The following TEX9 variants were observed in gnomAD, a reference collection of about 807,000 sequenced individuals.
The protein encoded by TEX9 is testis-expressed protein 9.
Under a neutral mutation model 59.6 loss-of-function variants are expected in TEX9, and 74 were observed. That is an observed-to-expected ratio of 1.24 (90% CI 1.03 to 1.51). The LOEUF is 1.51. Among genes scored for constraint, TEX9 ranks in the 40% most tolerant of loss-of-function variants. The pLI is 0.00. For synonymous variants in TEX9, 186 were observed against 152.2 expected (o/e 1.22, Z -1.64); for missense variants, 522 against 447.8 (o/e 1.17, Z -1.49).
chr15:56,306,256 G>GAAAAAA, intron 1 of TEX9, among the ~76,000 whole-genome samples: 1 of 5,944 alleles, frequency 1.7e-4, no homozygotes, highest in East Asian at 2.7e-3. Context: ...TAGGTACATA[G>GAAAAAA]CAAAAAAAAA....
intron 2 of TEX9, among the ~76,000 whole-genome samples, chr15:56,366,953 CTA>C (rs1596123208): frequency 6.6e-6 from 1 of 152,130 alleles, no homozygotes; most frequent in Non-Finnish European, 1.5e-5. Flanking sequence ...AATCTGTTTT[CTA>C]TATATAGTTC....
rs145846161 is a variant in TEX9, at chr15:56,262,502, G to C, written c.-107+18224G>C. The stretch of plus-strand genomic sequence containing the variant: ...TTTCAATACTTTTGAAGCTTGTTCA[G>C]GCTTGTTTTATGCATAGCATATAGC... On this transcript the variant is annotated intron_variant, in intron 1 of 5. Coordinates refer to the TEX9 transcript ENST00000560827. 2.4e-3 allele frequency among the ~76,000 whole-genome samples: 371 copies of C among 152,244 alleles called. 3 individuals carry two copies. The highest frequency in any genetic ancestry group is 8.6e-3 in the African/African-American group (356 of 41,538).
rs201829626 is a variant in TEX9, at chr15:56,443,784, C to G, written c.*30-1887C>G. The stretch of plus-strand genomic sequence containing the variant: ...TCACGTTTCTTTTTTCTCCAGAGAG[C>G]CTGCTCTTTCTGAAACTCTTCTATA... On this transcript the variant is annotated intron_variant, in intron 12 of 12. Transcript: ENST00000352903. 4.6e-5 allele frequency: 74 copies of G among 1,612,860 alleles called. No homozygotes were observed. In the East Asian group the frequency reaches 1.5e-3, roughly 33 times the overall value.
At chr15:56,451,878 A>AT in the TEX9 span, among the ~76,000 whole-genome samples, 193 of 151,928 alleles carry the variant, frequency 1.3e-3, no homozygotes, top group African/African-American at 4.2e-3. Flanking sequence ...GATTGCCTAG[A>AT]TTTTTTTTTA....
intron 1 of TEX9, among the ~76,000 whole-genome samples, chr15:56,281,148 T>C (rs956923149): frequency 1.3e-5 from 2 of 152,242 alleles, no homozygotes; most frequent in Non-Finnish European, 2.9e-5. Context: ...AATATAAGGG[T>C]TCCTATATGT....
chr15:56,261,500 T>G (rs2141347700), intron 1 of TEX9, among the ~76,000 whole-genome samples: 1 of 152,130 alleles, frequency 6.6e-6, no homozygotes, highest in East Asian at 1.9e-4. Context: ...GGTGGATCAC[T>G]TGAGGTCAGG....
At position 56,383,943 on chromosome 15, in the gene TEX9, T is replaced by C. The variant is rs1171773341; in HGVS notation, c.184-9T>C. 1 of 1,599,094 alleles carries C rather than the reference T, an allele frequency of 6.3e-7. No individual in the cohort carries two copies. The highest frequency in any genetic ancestry group is 1.3e-5 in the African/African-American group (1 of 74,142). On this transcript the variant is annotated splice_polypyrimidine_tract_variant and intron_variant, in intron 3 of 12. Transcript: ENST00000352903. ...TATATGATATATTACCTATCTTTACTCATTTAAGAGAGATCGGCAAGAAGT... is the reference window on the plus strand; with the variant it reads ...TATATGATATATTACCTATCTTTACCCATTTAAGAGAGATCGGCAAGAAGT...
Position 56,421,355 on chromosome 15 carries a change from T to C in TEX9, c.964-6250T>C, listed in dbSNP as rs1341907784. On this transcript the variant is annotated intron_variant, in intron 10 of 12. Coordinates refer to ENST00000352903, the Ensembl canonical transcript of TEX9. ...CAGGTTGAGTATCCCTTATCAGAAA[T>C]GCTTGGGACCAGAAGTGTTTTAGAA... Among the ~76,000 whole-genome samples, 5 of 151,926 alleles carry C rather than the reference T, an allele frequency of 3.3e-5. No homozygotes were observed. In the East Asian group the frequency reaches 9.6e-4, roughly 29 times the overall value.
At chr15:56,372,459 A>G (rs1236688372) in intron 2 of TEX9, among the ~76,000 whole-genome samples, 1 of 152,190 alleles carries the variant, frequency 6.6e-6, no homozygotes, top group Non-Finnish European at 1.5e-5. Flanking sequence ...TGGTCTAGAA[A>G]TGTGACATCT....
intron 1 of TEX9, among the ~76,000 whole-genome samples, chr15:56,250,998 A>G (rs2044002053): frequency 6.6e-6 from 1 of 152,028 alleles, no homozygotes; most frequent in South Asian, 2.1e-4. Context: ...TCTGTAAGTC[A>G]CTCCTCATGT....
intron 1 of TEX9, among the ~76,000 whole-genome samples, chr15:56,253,539 A>C (rs996774928): frequency 1.3e-5 from 2 of 152,180 alleles, no homozygotes; most frequent in African/African-American, 4.8e-5. Context: ...TCAGGGACTC[A>C]AAACCCCAAA....
At chr15:56,267,911 C>T (rs576932710) in intron 1 of TEX9, among the ~76,000 whole-genome samples, 8 of 152,246 alleles carry the variant, frequency 5.3e-5, no homozygotes, top group Admixed American at 2.0e-4. Context: ...CTATAAATTA[C>T]CTTAAACAGT....
chr15:56,302,086 A>C (rs2045372237), intron 1 of TEX9, among the ~76,000 whole-genome samples: 2 of 152,196 alleles, frequency 1.3e-5, no homozygotes, highest in African/African-American at 4.8e-5. Context: ...TGTTTGCTTA[A>C]TTGTTAGTTA....
intron 1 of TEX9, among the ~76,000 whole-genome samples, chr15:56,350,703 T>A (rs560556879): frequency 2.6e-5 from 4 of 152,334 alleles, no homozygotes; most frequent in East Asian, 3.9e-4. Context: ...TACTTTTTTT[T>A]ATTCATTTCG....
intron 9 of TEX9, among the ~76,000 whole-genome samples, chr15:56,409,568 A>T (rs540965903): frequency 3.3e-5 from 5 of 152,238 alleles, no homozygotes; most frequent in Admixed American, 3.3e-4. Context: ...TGGTGCAATC[A>T]TGGCTTACTA....
At chr15:56,351,581 G>A (rs2046581690) in intron 1 of TEX9, among the ~76,000 whole-genome samples, 1 of 152,132 alleles carries the variant, frequency 6.6e-6, no homozygotes, top group Admixed American at 6.5e-5. Flanking sequence ...GAGAATGGGA[G>A]AACAGCAGGA....
At chr15:56,251,841 C>T (rs2044027294) in intron 1 of TEX9, among the ~76,000 whole-genome samples, 1 of 152,180 alleles carries the variant, frequency 6.6e-6, no homozygotes, top group Non-Finnish European at 1.5e-5. Context: ...AGGATAACCA[C>T]CCAGAAATCC....
intron 9 of TEX9, among the ~76,000 whole-genome samples, chr15:56,406,842 T>G (rs1234762258): frequency 6.6e-6 from 1 of 152,202 alleles, no homozygotes; most frequent in Non-Finnish European, 1.5e-5. Flanking sequence ...GAAGAATATA[T>G]ATTTTGAATA....
At chr15:56,245,214 A>G (rs1347420237) in intron 1 of TEX9, among the ~76,000 whole-genome samples, 1 of 151,666 alleles carries the variant, frequency 6.6e-6, no homozygotes, top group East Asian at 1.9e-4. Flanking sequence ...TTGGCCTGAA[A>G]CCCTCTTGCT....
Sources: allele counts gnomAD v4.1 joint callset (sites outside exome capture counted in the v4.1 genomes callset), GRCh38; gene constraint gnomAD v4.1.1; transcripts MANE v1.5; gene names NCBI Gene and HGNC (gene_info 2026-07-23, HGNC 2026-07-21).